Variants in PCDHGA4 observed in about 807,000 individuals in gnomAD.
PCDHGA4 encodes protocadherin gamma-A4.
PCDHGA4 carries 38 observed loss-of-function variants against 54.6 expected under a neutral mutation model. The observed-to-expected ratio is 0.70, with a 90% CI of 0.54 to 0.91. PCDHGA4 has a LOEUF of 0.91. Ranked by LOEUF, PCDHGA4 falls within the 40% of genes least tolerant of loss-of-function variation. The pLI, the probability that PCDHGA4 is intolerant of heterozygous loss-of-function variation, is 0.00. For missense variants in PCDHGA4, 1,298 were observed against 1,220.9 expected (o/e 1.06, Z -0.94); for synonymous variants, 511 against 512.9 (o/e 1.00, Z 0.05).
At chr5:141,374,974 G>A in intron 1 of PCDHGA4, 2 of 1,613,958 alleles carry the variant, frequency 1.2e-6, no homozygotes, top group Non-Finnish European at 1.7e-6. Context: ...TGAATGTTTT[G>A]ACTGGAGAAA....
chr5:141,497,540 CTT>C (rs754207034), intron 2 of PCDHGA4, among the ~76,000 whole-genome samples: 114 of 134,852 alleles, frequency 8.5e-4, no homozygotes, highest in Middle Eastern at 3.7e-3. Context: ...TGCAACAAAC[CTT>C]TTTTTTTTTT....
chr5:141,451,358 T>C (rs537863729), intron 1 of PCDHGA4, among the ~76,000 whole-genome samples: 1 of 152,326 alleles, frequency 6.6e-6, no homozygotes, highest in African/African-American at 2.4e-5. Flanking sequence ...CAACAGAGGA[T>C]GGATCCGCTT....
intron 1 of PCDHGA4, chr5:141,389,725 TC>T (rs756659208): frequency 1.2e-6 from 2 of 1,612,726 alleles, no homozygotes; most frequent in East Asian, 4.5e-5. Flanking sequence ...GAGCCCGGGC[TC>T]TTCAGCCTGG....
chr5:141,365,707 C>T, intron 1 of PCDHGA4: 1 of 1,613,728 alleles, frequency 6.2e-7, no homozygotes, highest in Non-Finnish European at 8.5e-7. Flanking sequence ...CCTACTCCAC[C>T]TCTGTCACAG....
At chr5:141,418,746 A>G in intron 1 of PCDHGA4, 1 of 1,613,974 alleles carries the variant, frequency 6.2e-7, no homozygotes, top group Non-Finnish European at 8.5e-7. Context: ...TCTCTGGATT[A>G]CACTACAGGA....
At chr5:141,415,503 G>A (rs1354902623) in intron 1 of PCDHGA4, 1 of 1,614,212 alleles carries the variant, frequency 6.2e-7, no homozygotes. Flanking sequence ...TCTTCCCCCA[G>A]CCCAATTATG....
In PCDHGA4 at chr5:141,489,129, T is replaced by G; in HGVS notation, c.2515-5678T>G. On this transcript the variant is annotated intron_variant, in intron 1 of 3. Coordinates refer to ENST00000571252, the MANE Select transcript of PCDHGA4 (RefSeq NM_018917.4). This position sits in a 1 kb window ranked among gnomAD's most constrained non-coding sequence, Gnocchi z 4.5. ...AAGCAGGCAAACCTCCGAGCAGTTT[T>G]TAAGAGGCTGGAAGGAGACATAAGA... 1 of 761,976 alleles carries G rather than the reference T, an allele frequency of 1.3e-6. No homozygotes were observed. The highest frequency in any genetic ancestry group is 2.0e-6 in the Non-Finnish European group (1 of 490,014). The allele number at this position is 761,976 out of a possible 1,614,324, so 47.2% of individuals were successfully genotyped here.
At chr5:141,371,053 C>T (rs749864646) in intron 1 of PCDHGA4, 2 of 1,613,924 alleles carry the variant, frequency 1.2e-6, no homozygotes, top group Non-Finnish European at 1.7e-6. Flanking sequence ...GGGGGCGAGC[C>T]CTCCAGAAGC....
rs756437082 is a variant in PCDHGA4, at chr5:141,355,221, C to G, written c.114C>G (p.Arg38=). 1 of 1,608,638 alleles carries G rather than the reference C, an allele frequency of 6.2e-7. No homozygotes were observed. Among genetic ancestry groups the G allele is most frequent in the Non-Finnish European group, 8.5e-7 (1 of 1,177,022 alleles). ...TTGTAATGGCGGCGCCTCCTGCTCG[C>G]CCAGACCACACCCGGCTGCTCCAGA... is the stretch of plus-strand genomic sequence containing the variant. The part of the protein sequence containing the change: ...GGVVMAAPPA[R]PDHTRLLQIC... The change falls in exon 1 of 4, where the codon CGC becomes CGG. Residue 38 remains arginine, a synonymous_variant. Coordinates refer to ENST00000571252, the MANE Select transcript of PCDHGA4 (RefSeq NM_018917.4).
intron 1 of PCDHGA4, chr5:141,422,676 A>C (rs1245488589): frequency 6.2e-7 from 1 of 1,606,500 alleles, no homozygotes; most frequent in Admixed American, 1.7e-5. Flanking sequence ...CGGACAGCAA[A>C]CAGAATGCCC....
At chr5:141,460,842 C>T (rs1339558359) in intron 1 of PCDHGA4, among the ~76,000 whole-genome samples, 2 of 150,412 alleles carry the variant, frequency 1.3e-5, no homozygotes, top group African/African-American at 2.4e-5. Flanking sequence ...GTAATGGCCT[C>T]CAGTTCGATC....
In PCDHGA4 at chr5:141,356,965, A is replaced by T; in HGVS notation, c.1858A>T (p.Thr620Ser). ...PRSADSGYLV[T>S]KVVAVDRDSG... Reference sequence around the variant, plus strand: ...CTCCGCAGATTCCGGCTACCTGGTGACCAAAGTGGTGGCAGTGGACAGAGA... The same window carrying T: ...CTCCGCAGATTCCGGCTACCTGGTGTCCAAAGTGGTGGCAGTGGACAGAGA... Residue 620 changes from threonine to serine, a missense_variant, in exon 1 of 4, where the codon ACC (threonine) becomes TCC (serine). By Grantham distance (58) the Thr-to-Ser change is moderately conservative. Coordinates refer to ENST00000571252, the MANE Select transcript of PCDHGA4 (RefSeq NM_018917.4). 2 of 1,614,210 alleles carry T rather than the reference A, an allele frequency of 1.2e-6. No individual in the cohort carries two copies. Among genetic ancestry groups the T allele is most frequent in the Non-Finnish European group, 1.7e-6 (2 of 1,180,034 alleles).
At chr5:141,392,751 A>T in intron 1 of PCDHGA4, 1 of 1,453,336 alleles carries the variant, frequency 6.9e-7, no homozygotes, top group South Asian at 1.5e-5. Flanking sequence ...CTGCGGCAAG[A>T]AACTAAATAA....
intron 1 of PCDHGA4, chr5:141,372,749 C>T (rs1368298645): frequency 1.2e-6 from 2 of 1,613,056 alleles, no homozygotes; most frequent in Non-Finnish European, 1.7e-6. Flanking sequence ...GTGATGAAGC[C>T]TCTTGGTTTG....
At chr5:141,398,746 T>TAC in intron 1 of PCDHGA4, 1 of 1,613,420 alleles carries the variant, frequency 6.2e-7, no homozygotes, top group South Asian at 1.1e-5. Context: ...ACAACAGAGT[T>TAC]ACCATCGTTT....
At chr5:141,371,460 A>G (rs1428114565) in intron 1 of PCDHGA4, 1 of 1,614,004 alleles carries the variant, frequency 6.2e-7, no homozygotes, top group Admixed American at 1.7e-5. Context: ...ATCCCAACAT[A>G]TACAAGAAGA....
chr5:141,404,656 C>A, intron 1 of PCDHGA4: 1 of 1,614,176 alleles, frequency 6.2e-7, no homozygotes, highest in Non-Finnish European at 8.5e-7. Context: ...CTGCCCTCCC[C>A]ACTGATGGTT....
intron 1 of PCDHGA4, chr5:141,361,485 A>T (rs1762045132): frequency 2.5e-6 from 4 of 1,614,034 alleles, no homozygotes; most frequent in Non-Finnish European, 3.4e-6. Flanking sequence ...ATAATGCCCC[A>T]GTTTTCCAAC....
chr5:141,382,965 C>T, intron 1 of PCDHGA4: 1 of 1,608,730 alleles, frequency 6.2e-7, no homozygotes, highest in East Asian at 2.2e-5. Flanking sequence ...TCCTGGGGAC[C>T]CCCTGGGAAG....
Sources: gnomAD v4.1 joint callset for allele counts (sites outside exome capture counted in the v4.1 genomes callset) on GRCh38, gnomAD v4.1.1 for gene constraint, Gnocchi (gnomAD v3.1) non-coding constraint, MANE v1.5 for transcripts, NCBI Gene and HGNC (gene_info 2026-07-23, HGNC 2026-07-21) for gene names.